Variants in AGBL4 observed in about 807,000 individuals in gnomAD.
AGBL4 encodes AGBL carboxypeptidase 4.
Under a neutral mutation model 66.4 loss-of-function variants are expected in AGBL4, and 58 were observed. That is an observed-to-expected ratio of 0.87 (90% CI 0.71 to 1.09). AGBL4 has a LOEUF of 1.09. Among genes scored for constraint, AGBL4 ranks in the 50% least tolerant of loss-of-function variants. The pLI, the probability that AGBL4 is intolerant of heterozygous loss-of-function variation, is 0.00. For missense variants in AGBL4, 579 were observed against 631.0 expected (o/e 0.92, Z 0.88); for synonymous variants, 234 against 222.9 (o/e 1.05, Z -0.44).
At chr1:48,591,046 C>A (rs1448809865) in intron 9 of AGBL4, 61 bp from the exon 10 acceptor site, 5 of 1,460,388 alleles carry the variant, frequency 3.4e-6, no homozygotes, top group South Asian at 1.3e-5. Context: ...TATAAGGGAC[C>A]AGACACTACA....
chr1:49,212,348 C>T lies in AGBL4; in HGVS notation c.377+33422G>A, dbSNP rs368436061. On this transcript the variant is annotated intron_variant, in intron 4 of 13. Transcript: ENST00000371839. ...CATTAGTTGCAATTCAACAAAGCTA[C>T]GGCATATAAAAAGATTAGTTTCACA... Among the ~76,000 whole-genome samples, 281 of 152,230 alleles carry T rather than the reference C, an allele frequency of 1.8e-3. 2 individuals carry two copies. The highest frequency in any genetic ancestry group is 6.8e-3 in the Middle Eastern group (2 of 294).
intron 3 of AGBL4, among the ~76,000 whole-genome samples, chr1:49,580,481 G>GCC (rs1644521614): frequency 6.6e-6 from 1 of 152,074 alleles, no homozygotes; most frequent in African/African-American, 2.4e-5. Context: ...TTGTGCAATT[G>GCC]CTTTACAAGT....
intron 4 of AGBL4, among the ~76,000 whole-genome samples, chr1:49,220,974 C>T (rs192345463): frequency 8.5e-5 from 13 of 152,170 alleles, no homozygotes; most frequent in Non-Finnish European, 1.5e-5. Context: ...CCAGTCTAAG[C>T]TAAATATAGT....
chr1:49,452,748 C>A (rs1646305619), intron 3 of AGBL4, among the ~76,000 whole-genome samples: 1 of 151,782 alleles, frequency 6.6e-6, no homozygotes, highest in South Asian at 2.1e-4. Context: ...AGCTCTCTGA[C>A]TATAGACTAA....
intron 6 of AGBL4, among the ~76,000 whole-genome samples, chr1:48,798,509 T>C (rs1645740774): frequency 6.6e-6 from 1 of 152,204 alleles, no homozygotes; most frequent in African/African-American, 2.4e-5. Flanking sequence ...ATCTTTGCTT[T>C]TATTGCATTG....
chr1:49,896,934 A>C (rs1209477941), intron 1 of AGBL4, among the ~76,000 whole-genome samples: 1 of 152,044 alleles, frequency 6.6e-6, no homozygotes, highest in Non-Finnish European at 1.5e-5. Context: ...ACCCTAAAAA[A>C]AAACTGGACA....
At chr1:49,797,538 T>A (rs1334805252) in intron 2 of AGBL4, among the ~76,000 whole-genome samples, 2 of 152,122 alleles carry the variant, frequency 1.3e-5, no homozygotes, top group Non-Finnish European at 2.9e-5. Flanking sequence ...CTGGCTCAAG[T>A]TATCCTCCCA....
chr1:48,657,069 GGGCCTT>G, intron 7 of AGBL4, among the ~76,000 whole-genome samples: 1 of 152,294 alleles, frequency 6.6e-6, no homozygotes, highest in East Asian at 1.9e-4. Flanking sequence ...TTCAATTCCA[GGGCCTT>G]GGCTTCATGG....
intron 5 of AGBL4, among the ~76,000 whole-genome samples, chr1:48,925,437 A>G (rs1051621677): frequency 6.6e-6 from 1 of 152,202 alleles, no homozygotes; most frequent in African/African-American, 2.4e-5. Context: ...CCCACAGGCC[A>G]TATGCAGCCC....
At chr1:49,642,431 T>C (rs1266895382) in intron 3 of AGBL4, among the ~76,000 whole-genome samples, 1 of 151,924 alleles carries the variant, frequency 6.6e-6, no homozygotes, top group Non-Finnish European at 1.5e-5. Context: ...TCTCCTTAAG[T>C]TGAGAAGAAG....
chr1:48,771,228 T>C (rs1003089782), intron 6 of AGBL4, among the ~76,000 whole-genome samples: 2 of 151,966 alleles, frequency 1.3e-5, no homozygotes, highest in African/African-American at 2.4e-5. Context: ...GTAGAAAGAG[T>C]ACACACAACT....
intron 5 of AGBL4, among the ~76,000 whole-genome samples, chr1:48,923,176 C>A (rs1158794599): frequency 6.6e-6 from 1 of 151,988 alleles, no homozygotes; most frequent in African/African-American, 2.4e-5. Flanking sequence ...CCAACGCTTC[C>A]ATTTTATGGA....
intron 9 of AGBL4, among the ~76,000 whole-genome samples, chr1:48,591,351 G>T (rs144802824): frequency 6.6e-6 from 1 of 152,038 alleles, no homozygotes; most frequent in Non-Finnish European, 1.5e-5. Flanking sequence ...CTAGACATTC[G>T]TGGAATTTAT....
At chr1:49,310,925 A>G (rs1181584581) in intron 3 of AGBL4, among the ~76,000 whole-genome samples, 1 of 152,082 alleles carries the variant, frequency 6.6e-6, no homozygotes, top group African/African-American at 2.4e-5. Flanking sequence ...CATATAGTGC[A>G]TAAGTTGGGG....
intron 9 of AGBL4, among the ~76,000 whole-genome samples, chr1:48,591,828 C>A (rs919592269): frequency 6.6e-6 from 1 of 152,138 alleles, no homozygotes; most frequent in Non-Finnish European, 1.5e-5. Context: ...ATATTTAAGG[C>A]ACTTTCTTGG....
At chr1:50,003,827 C>G (rs992738118) in intron 1 of AGBL4, among the ~76,000 whole-genome samples, 3 of 152,106 alleles carry the variant, frequency 2.0e-5, no homozygotes, top group Non-Finnish European at 4.4e-5. Context: ...AAGGATTTTA[C>G]CTAATTTCTA....
intron 3 of AGBL4, among the ~76,000 whole-genome samples, chr1:49,388,006 A>G (rs1415213333): frequency 6.6e-6 from 1 of 152,054 alleles, no homozygotes; most frequent in Non-Finnish European, 1.5e-5. Flanking sequence ...CCAATACACA[A>G]TGTTGTTGTA....
chr1:49,466,376 T>C (rs1351578148), intron 3 of AGBL4, among the ~76,000 whole-genome samples: 2 of 151,576 alleles, frequency 1.3e-5, no homozygotes, highest in Non-Finnish European at 3.0e-5. Context: ...AGAATAGGAA[T>C]TAAAATCCAA....
At position 49,630,243 on chromosome 1, in the gene AGBL4, T is replaced by A. The variant is rs536286310; in HGVS notation, c.282+67070A>T. On this transcript the variant is annotated intron_variant, in intron 3 of 13. Transcript: ENST00000371839. ...ATGGGCACTCCATGGCCATCAGGAA[T>A]ACACAGTGTATGGGACCGTCTTGGT... Among the ~76,000 whole-genome samples, 3 of 152,316 alleles carry A rather than the reference T, an allele frequency of 2.0e-5. No individual in the cohort carries two copies. In the South Asian group the frequency reaches 6.2e-4, roughly 32 times the overall value.
Sources: allele counts gnomAD v4.1 joint callset (sites outside exome capture counted in the v4.1 genomes callset), GRCh38; gene constraint gnomAD v4.1.1; transcripts MANE v1.5; gene names NCBI Gene and HGNC (gene_info 2026-07-23, HGNC 2026-07-21).